JAKMIP2: variants seen among roughly 807,000 people sequenced by gnomAD.
JAKMIP2 encodes the protein janus kinase and microtubule interacting protein 2, also known as janus kinase and microtubule-interacting protein 2.
A neutral mutation model predicts 115.0 loss-of-function variants in JAKMIP2; 25 were observed. The observed-to-expected ratio is 0.22, with a 90% CI of 0.16 to 0.30. JAKMIP2 has a LOEUF of 0.30. JAKMIP2 is among the 10% of genes least tolerant of loss of function. JAKMIP2 has a pLI of 1.00. For synonymous variants in JAKMIP2, 334 were observed against 343.6 expected, an observed-to-expected ratio of 0.97 and a Z score of 0.31; for missense variants, 642 against 957.6, an observed-to-expected ratio of 0.67 and a Z score of 4.35.
At chr5:147,625,209 G>A (rs1360153174) in intron 16 of JAKMIP2, among the ~76,000 whole-genome samples, 1 of 152,112 alleles carries the variant, frequency 6.6e-6, no homozygotes, top group Non-Finnish European at 1.5e-5. Flanking sequence ...TTGAACTCCT[G>A]AGCTCAGGCA....
At chr5:147,641,634 A>G (rs1757883936) in intron 8 of JAKMIP2, 74 bp downstream of exon 8, 2 of 1,028,232 alleles carry the variant, frequency 1.9e-6, no homozygotes, top group Admixed American at 1.8e-5. Context: ...ACATCTTTGT[A>G]GGAAGATTCC....
intron 4 of JAKMIP2, among the ~76,000 whole-genome samples, chr5:147,649,127 T>C (rs1264888034): frequency 6.6e-6 from 1 of 152,212 alleles, no homozygotes; most frequent in Non-Finnish European, 1.5e-5. Context: ...GTTGTAGAGT[T>C]ATATAAGACT....
At chr5:147,725,504 G>T (rs7716751) in intron 1 of JAKMIP2, among the ~76,000 whole-genome samples, 2,332 of 152,184 alleles carry the variant, frequency 0.015, 82 homozygotes, top group African/African-American at 0.052. Context: ...CATGTTCTTG[G>T]CAACCACGAA....
chr5:147,645,795 ACT>A (rs1434738331), intron 5 of JAKMIP2, among the ~76,000 whole-genome samples: 2 of 152,054 alleles, frequency 1.3e-5, no homozygotes, highest in Non-Finnish European at 2.9e-5. Context: ...TGCCAGTAAC[ACT>A]CTGCTAATTG....
chr5:147,620,858 T>C, intron 17 of JAKMIP2, 115 bp from the exon 18 acceptor site: 2 of 719,720 alleles, frequency 2.8e-6, no homozygotes, highest in Non-Finnish European at 4.7e-6. Flanking sequence ...CTAGTATTTG[T>C]AGAGTCATAA....
At chr5:147,689,221 A>T (rs1347141) in intron 1 of JAKMIP2, among the ~76,000 whole-genome samples, 1 of 152,032 alleles carries the variant, frequency 6.6e-6, no homozygotes, top group African/African-American at 2.4e-5. Context: ...CAGCAGCCAA[A>T]GAGAGGGCAG....
chr5:147,742,265 C>T (rs1754179182), intron 1 of JAKMIP2, among the ~76,000 whole-genome samples: 1 of 151,008 alleles, frequency 6.6e-6, no homozygotes, highest in Admixed American at 6.6e-5. Context: ...TCACAAAATC[C>T]CTGATGCTTG....
chr5:147,686,019 G>A (rs1009304719), intron 1 of JAKMIP2, among the ~76,000 whole-genome samples: 1 of 152,186 alleles, frequency 6.6e-6, no homozygotes, highest in Non-Finnish European at 1.5e-5. Context: ...CTGAAGCTAG[G>A]AGTGAGGCTG....
intron 1 of JAKMIP2, among the ~76,000 whole-genome samples, chr5:147,717,637 G>T (rs2126930768): frequency 6.6e-6 from 1 of 150,698 alleles, no homozygotes; most frequent in African/African-American, 2.4e-5. Context: ...TCATGATTTG[G>T]CTCTCTGTTT....
chr5:147,629,637 T>C (rs1264151748), intron 15 of JAKMIP2, 56 bp downstream of exon 15: 3 of 1,237,020 alleles, frequency 2.4e-6, no homozygotes, highest in Non-Finnish European at 3.5e-6. Context: ...TTGTTAAGTA[T>C]CTCTTGCCTC....
At chr5:147,692,775 T>A (rs1417698774) in intron 1 of JAKMIP2, among the ~76,000 whole-genome samples, 1 of 152,164 alleles carries the variant, frequency 6.6e-6, no homozygotes, top group African/African-American at 2.4e-5. Flanking sequence ...ATAATAAAGC[T>A]CGCTCTCTCT....
chr5:147,646,733 T>A (rs1194637634), intron 5 of JAKMIP2, among the ~76,000 whole-genome samples: 2 of 151,446 alleles, frequency 1.3e-5, no homozygotes, highest in Non-Finnish European at 2.9e-5. Context: ...AAATCTGATG[T>A]AGTTCAACTA....
At chr5:147,631,031 A>G (rs1202796916) in intron 14 of JAKMIP2, among the ~76,000 whole-genome samples, 1 of 152,228 alleles carries the variant, frequency 6.6e-6, no homozygotes, top group Non-Finnish European at 1.5e-5. Context: ...TGAATTCCAT[A>G]GCACCTAGAA....
chr5:147,695,494 G>A (rs1394024196), intron 1 of JAKMIP2, among the ~76,000 whole-genome samples: 2 of 152,158 alleles, frequency 1.3e-5, no homozygotes, highest in Non-Finnish European at 2.9e-5. Flanking sequence ...TTCCTCCTTA[G>A]GGCATTATTG....
chr5:147,636,510 C>T, intron 11 of JAKMIP2: 1 of 592,208 alleles, frequency 1.7e-6, no homozygotes, highest in Non-Finnish European at 3.0e-6. Context: ...CTACCTTTTC[C>T]AGTTTGAATA....
At chr5:147,629,596 T>A (rs1561501613) in intron 15 of JAKMIP2, 97 bp downstream of exon 15, 1 of 789,994 alleles carries the variant, frequency 1.3e-6, no homozygotes, top group Non-Finnish European at 2.1e-6. Flanking sequence ...TGAAATGGCA[T>A]CTCACTTGCT....
intron 18 of JAKMIP2, 117 bp downstream of exon 18, chr5:147,620,549 A>G: frequency 1.8e-6 from 1 of 570,484 alleles, no homozygotes; most frequent in Non-Finnish European, 3.1e-6. Context: ...CAGTAAATGA[A>G]TGAACTGCAT....
intron 1 of JAKMIP2, among the ~76,000 whole-genome samples, chr5:147,692,448 C>A (rs1205586772): frequency 6.6e-6 from 1 of 152,168 alleles, no homozygotes; most frequent in Non-Finnish European, 1.5e-5. Context: ...AAATACAGAT[C>A]TTCCTGAGAT....
chr5:147,734,558 G>T (rs1453778582), intron 1 of JAKMIP2, among the ~76,000 whole-genome samples: 1 of 151,726 alleles, frequency 6.6e-6, no homozygotes, highest in Non-Finnish European at 1.5e-5. Flanking sequence ...GTTGATGACG[G>T]GTTGATGGGT....
Sources: allele counts gnomAD v4.1 joint callset (sites outside exome capture counted in the v4.1 genomes callset), GRCh38; gene constraint gnomAD v4.1.1; transcripts MANE v1.5; gene names NCBI Gene and HGNC (gene_info 2026-07-23, HGNC 2026-07-21).